Variants in DENND2C observed in about 807,000 individuals in gnomAD.
DENND2C encodes the protein DENN domain containing 2C.
A neutral mutation model predicts 112.4 loss-of-function variants in DENND2C; 72 were observed. The ratio of observed to expected loss-of-function variants is 0.64; its 90% confidence interval spans 0.53 to 0.78. The LOEUF (loss-of-function observed/expected upper bound fraction) is 0.78, where lower values mean the gene tolerates loss of function less well. Among genes scored for constraint, DENND2C ranks in the 30% least tolerant of loss-of-function variants. The probability of loss-of-function intolerance (pLI) is 0.00; values close to 1 mark genes in which losing one functional copy is unlikely to be tolerated. For synonymous variants in DENND2C, 329 were observed against 381.6 expected (o/e 0.86, Z 1.61); for missense variants, 992 against 1,113.8 (o/e 0.89, Z 1.56).
At chr1:114,591,431 T>C (rs532945967) in intron 18 of DENND2C, among the ~76,000 whole-genome samples, 2 of 152,304 alleles carry the variant, frequency 1.3e-5, no homozygotes, top group Admixed American at 6.5e-5. Context: ...GTTCCTATCT[T>C]TTCCTCATTT....
chr1:114,609,952 T>G (rs1279961785), intron 9 of DENND2C, among the ~76,000 whole-genome samples: 3 of 152,170 alleles, frequency 2.0e-5, no homozygotes, highest in Non-Finnish European at 4.4e-5. Context: ...TTAGTCATCT[T>G]CACACATCTA....
At chr1:114,642,233 G>A (rs1013590704) in intron 3 of DENND2C, among the ~76,000 whole-genome samples, 1 of 152,082 alleles carries the variant, frequency 6.6e-6, no homozygotes, top group Non-Finnish European at 1.5e-5. Flanking sequence ...TTACAGGTGT[G>A]AGCCACCGCG....
rs191090843 is a variant in DENND2C at position 114,645,866 on chromosome 1, T to C, written c.-316-307A>G. On this transcript the variant is annotated intron_variant, in intron 2 of 20. Transcript: ENST00000393274. ...GTTTTGGGCAACATTAAGTAATAAT[T>C]GATATATTATGAAATATCAAATTTT... 7.2e-5 allele frequency among the ~76,000 whole-genome samples: 11 copies of C among 152,310 alleles called. No individual in the cohort carries two copies. The East Asian group carries it at 1.9e-3, about 27-fold the overall frequency.
chr1:114,656,008 G>T (rs1383719134), intron 1 of DENND2C, among the ~76,000 whole-genome samples: 2 of 151,442 alleles, frequency 1.3e-5, no homozygotes, highest in East Asian at 3.9e-4. Context: ...TTCTCCTGTT[G>T]ACTGATATGT....
At chr1:114,586,223 A>G (rs1004070895) in intron 20 of DENND2C, among the ~76,000 whole-genome samples, 1 of 152,348 alleles carries the variant, frequency 6.6e-6, no homozygotes. Context: ...TGTATGAAGT[A>G]GAAAATTAGA....
intron 4 of DENND2C, among the ~76,000 whole-genome samples, chr1:114,623,883 C>T (rs1294748082): frequency 2.6e-5 from 4 of 152,024 alleles, no homozygotes; most frequent in Non-Finnish European, 1.5e-5. Context: ...ATTAGAGGCG[C>T]GTGCCACCAT....
rs1655804552 is a variant in DENND2C at position 114,611,120 on chromosome 1, GAA to G, written c.1325-5_1325-4del. The G allele has an allele frequency of 3.7e-6, 6 of 1,614,040 alleles. No homozygotes were observed. Among genetic ancestry groups the G allele is most frequent in the Admixed American group, 3.3e-5 (2 of 60,000 alleles). ...ACTTTCGTTCCCACTGGTTTCACCT[GAA>G]AAGAGAGAAGGAGTTTCCATTTGTA... On this transcript the variant is annotated splice_polypyrimidine_tract_variant and splice_region_variant and intron_variant, in intron 8 of 20. Transcript: ENST00000393274.
At position 114,626,164 on chromosome 1, in the gene DENND2C, G is replaced by T; in HGVS notation, c.-180C>A. ...TTGATCAGTGATCCTTGTTGAAAAT[G>T]GCTACAACCTGATCTTGAATAATCC... On this transcript the variant is annotated 5_prime_UTR_variant, in exon 4 of 21. Transcript: ENST00000393274. 3.5e-6 allele frequency: 2 copies of T among 571,242 alleles called. No homozygotes were observed. The highest frequency in any genetic ancestry group is 6.0e-6 in the Non-Finnish European group (2 of 335,290). The allele number at this position is 571,242 out of a possible 1,614,324, so 35.4% of individuals were successfully genotyped here. A position where few individuals can be genotyped will look rare whatever the true frequency, so the allele number is the denominator to read the frequency against.
chr1:114,636,494 GTC>G (rs1656659339), intron 3 of DENND2C, among the ~76,000 whole-genome samples: 1 of 152,104 alleles, frequency 6.6e-6, no homozygotes, highest in Admixed American at 6.6e-5. Context: ...GGTGAATCCA[GTC>G]TCTACAAAAA....
At chr1:114,623,734 T>C (rs911737562) in intron 4 of DENND2C, 91 bp from the exon 5 acceptor site, 1 of 905,702 alleles carries the variant, frequency 1.1e-6, no homozygotes, top group Admixed American at 6.8e-5. Context: ...GTTTGATTGT[T>C]TGTTTTATTA....
Position 114,622,043 on chromosome 1 carries a change from A to G in DENND2C, c.1079T>C (p.Leu360Pro). The G allele has an allele frequency of 6.5e-7, 1 of 1,545,142 alleles. No individual in the cohort carries two copies. Among genetic ancestry groups the G allele is most frequent in the Non-Finnish European group, 8.7e-7 (1 of 1,145,170 alleles). ...CTTTACTTCCATAGTCTTCCGGTGA[A>G]GGAACTGAGGTTTTGGAGGGAGCTA... Reference protein sequence around the residue: ...APKLPPKPQFLHRKTMEVKNS... With the variant: ...APKLPPKPQFPHRKTMEVKNS... The change falls in exon 7 of 21, where the codon CTT (leucine) becomes CCT (proline). Residue 360 changes from leucine to proline, a missense_variant. This residue lies in a region of DENND2C where 470 missense variants were observed against 472.7 expected (regional missense o/e 0.99). Transcript: ENST00000393274.
intron 2 of DENND2C, among the ~76,000 whole-genome samples, chr1:114,647,329 C>T (rs975820864): frequency 6.6e-6 from 1 of 151,430 alleles, no homozygotes; most frequent in Non-Finnish European, 1.5e-5. Context: ...TGATCAATTC[C>T]AATTGTGTAT....
chr1:114,650,673 C>CAAAAAAAAAAA (rs58693255), intron 2 of DENND2C, among the ~76,000 whole-genome samples: 1 of 61,614 alleles, frequency 1.6e-5, no homozygotes, highest in African/African-American at 7.2e-5. Flanking sequence ...GACTCCGTCT[C>CAAAAAAAAAAA]AAAAAAAAAA....
chr1:114,662,787 CT>C (rs1657534415), intron 1 of DENND2C, among the ~76,000 whole-genome samples: 1 of 152,078 alleles, frequency 6.6e-6, no homozygotes, highest in Admixed American at 6.6e-5. Flanking sequence ...GAGACCCCAT[CT>C]CTACAAAAAG....
intron 8 of DENND2C, among the ~76,000 whole-genome samples, chr1:114,615,133 T>C (rs1182375544): frequency 6.6e-6 from 1 of 152,248 alleles, no homozygotes; most frequent in Non-Finnish European, 1.5e-5. Flanking sequence ...TGATTTGCAA[T>C]GTGTAATTTA....
intron 2 of DENND2C, among the ~76,000 whole-genome samples, chr1:114,647,409 G>A (rs1475078): frequency 0.52 from 78,232 of 151,050 alleles, 20,470 homozygotes; most frequent in South Asian, 0.61. Flanking sequence ...GGCTGGGTGC[G>A]TGATCTCGAC....
chr1:114,593,726 T>C (rs932302125), intron 18 of DENND2C, among the ~76,000 whole-genome samples: 1 of 151,978 alleles, frequency 6.6e-6, no homozygotes, highest in African/African-American at 2.4e-5. Flanking sequence ...TGAGCTATAA[T>C]TGCACCATTG....
intron 11 of DENND2C, 102 bp from the exon 12 acceptor site, chr1:114,602,296 G>T: frequency 8.4e-7 from 1 of 1,195,212 alleles, no homozygotes; most frequent in Non-Finnish European, 1.2e-6. Context: ...TAGTCATTTT[G>T]TGATCTAGTT....
intron 3 of DENND2C, among the ~76,000 whole-genome samples, chr1:114,627,947 A>C (rs1434294694): frequency 1.3e-5 from 2 of 151,920 alleles, no homozygotes; most frequent in Admixed American, 6.6e-5. Flanking sequence ...TTAAGTGTGA[A>C]TGGCTCAAAT....
Sources: allele counts gnomAD v4.1 joint callset (sites outside exome capture counted in the v4.1 genomes callset), GRCh38; gene constraint gnomAD v4.1.1; regional missense constraint gnomAD v4.1.1; transcripts MANE v1.5; gene names NCBI Gene and HGNC (gene_info 2026-07-23, HGNC 2026-07-21).